NAALADL2: variants seen among roughly 807,000 people sequenced by gnomAD.
The protein encoded by NAALADL2 is inactive N-acetylated-alpha-linked acidic dipeptidase-like protein 2.
NAALADL2 carries 76 observed loss-of-function variants against 87.2 expected under a neutral mutation model. The observed-to-expected ratio is 0.87, with a 90% CI of 0.72 to 1.05. The LOEUF is 1.05. Ranked by LOEUF, NAALADL2 falls within the 50% of genes least tolerant of loss-of-function variation. The pLI, the probability that NAALADL2 is intolerant of heterozygous loss-of-function variation, is 0.00. For synonymous variants in NAALADL2, 354 were observed against 331.0 expected, an observed-to-expected ratio of 1.07 and a Z score of -0.75; for missense variants, 1,089 against 945.8, an observed-to-expected ratio of 1.15 and a Z score of -1.99.
At chr3:174,933,064 C>T (rs1397704716) in intron 1 of NAALADL2, among the ~76,000 whole-genome samples, 1 of 152,210 alleles carries the variant, frequency 6.6e-6, no homozygotes, top group African/African-American at 2.4e-5. Flanking sequence ...TTGCAGTGAA[C>T]CGAGATTGTG....
At chr3:175,791,761 T>C (rs1752805014) in intron 13 of NAALADL2, among the ~76,000 whole-genome samples, 2 of 151,806 alleles carry the variant, frequency 1.3e-5, no homozygotes, top group African/African-American at 4.8e-5. Context: ...GTATATAAAA[T>C]ATATATACAG....
chr3:174,859,531 CTG>C, intron 1 of NAALADL2, 81 bp downstream of exon 1: 1 of 1,152,710 alleles, frequency 8.7e-7, no homozygotes, highest in Non-Finnish European at 1.3e-6. Flanking sequence ...CTGTGTGTTT[CTG>C]TGTATGCACA....
At chr3:175,100,555 A>G (rs1330825873) in intron 2 of NAALADL2, among the ~76,000 whole-genome samples, 1 of 152,126 alleles carries the variant, frequency 6.6e-6, no homozygotes, top group African/African-American at 2.4e-5. Flanking sequence ...GTGCAAAAGA[A>G]GGCCAGGGGC....
chr3:175,299,419 A>G (rs1038358808), intron 4 of NAALADL2, among the ~76,000 whole-genome samples: 2 of 150,168 alleles, frequency 1.3e-5, no homozygotes, highest in South Asian at 2.1e-4. Flanking sequence ...CTTCTTATCC[A>G]TGAGCATGGA....
intron 1 of NAALADL2, among the ~76,000 whole-genome samples, chr3:174,466,569 A>G (rs1716547532): frequency 6.6e-6 from 1 of 152,218 alleles, no homozygotes; most frequent in Non-Finnish European, 1.5e-5. Context: ...GTTGTTTGAT[A>G]GTACTGTCTC....
intron 1 of NAALADL2, among the ~76,000 whole-genome samples, chr3:174,885,545 T>C (rs887519059): frequency 6.6e-6 from 1 of 152,178 alleles, no homozygotes. Context: ...TTATTTTGTG[T>C]AATTCTCTAA....
intron 3 of NAALADL2, among the ~76,000 whole-genome samples, chr3:174,761,468 C>G (rs1317713143): frequency 6.6e-6 from 1 of 152,042 alleles, no homozygotes; most frequent in African/African-American, 2.4e-5. Flanking sequence ...AAATGGATCA[C>G]TTACAAGGTT....
intron 1 of NAALADL2, among the ~76,000 whole-genome samples, chr3:174,938,199 C>T (rs2108453600): frequency 6.6e-6 from 1 of 152,178 alleles, no homozygotes; most frequent in Admixed American, 6.6e-5. Flanking sequence ...CAACTAGACC[C>T]CAGTGTCTGT....
intron 3 of NAALADL2, among the ~76,000 whole-genome samples, chr3:174,785,087 C>A (rs1716436372): frequency 6.6e-6 from 1 of 151,832 alleles, no homozygotes; most frequent in African/African-American, 2.4e-5. Flanking sequence ...GGGTATATTG[C>A]GTGATGCTGA....
At chr3:174,641,352 G>A (rs765935705) in intron 2 of NAALADL2, among the ~76,000 whole-genome samples, 2 of 152,192 alleles carry the variant, frequency 1.3e-5, no homozygotes, top group Non-Finnish European at 2.9e-5. Flanking sequence ...GCCATGTGGT[G>A]ACAAGTCCTA....
intron 2 of NAALADL2, among the ~76,000 whole-genome samples, chr3:174,647,441 C>T (rs1310127733): frequency 1.3e-5 from 2 of 152,140 alleles, no homozygotes; most frequent in East Asian, 1.9e-4. Flanking sequence ...TAGGGAGCAA[C>T]AGGATTTTGA....
At chr3:175,208,081 G>A (rs1741212199) in intron 2 of NAALADL2, among the ~76,000 whole-genome samples, 1 of 152,104 alleles carries the variant, frequency 6.6e-6, no homozygotes, top group Admixed American at 6.6e-5. Flanking sequence ...CATGCTCACT[G>A]TTTCTTTTGT....
chr3:175,644,720 C>G (rs941057792), intron 11 of NAALADL2, among the ~76,000 whole-genome samples: 7 of 152,148 alleles, frequency 4.6e-5, no homozygotes, highest in African/African-American at 1.7e-4. Flanking sequence ...TATTCTTGTC[C>G]TTCACATTTC....
intron 1 of NAALADL2, among the ~76,000 whole-genome samples, chr3:174,984,112 T>TA (rs112965373): frequency 7.2e-5 from 11 of 152,064 alleles, no homozygotes; most frequent in African/African-American, 2.7e-4. Context: ...TGAGATGTTT[T>TA]AAAAAAACAC....
At chr3:175,258,531 A>G (rs891301501) in intron 4 of NAALADL2, among the ~76,000 whole-genome samples, 1 of 152,146 alleles carries the variant, frequency 6.6e-6, no homozygotes, top group Admixed American at 6.5e-5. Flanking sequence ...GAACATTTCA[A>G]AGTTAGCTAC....
intron 2 of NAALADL2, among the ~76,000 whole-genome samples, chr3:174,662,819 G>A (rs1725627880): frequency 6.6e-6 from 1 of 152,070 alleles, no homozygotes; most frequent in Non-Finnish European, 1.5e-5. Context: ...ACTATAACTG[G>A]GCTATTCATA....
At position 175,647,009 on chromosome 3, in the gene NAALADL2, A is replaced by G. The variant is rs75245395; in HGVS notation, c.1896+19623A>G. Among the ~76,000 whole-genome samples, 85 of 152,252 alleles carry G rather than the reference A, an allele frequency of 5.6e-4. 3 individuals carry two copies. In the East Asian group the frequency reaches 0.016, roughly 28 times the overall value. On this transcript the variant is annotated intron_variant, in intron 11 of 13. Transcript: ENST00000454872. ...CCACTTCATGATGACTCAGAACTAT[A>G]TATCTATATGAACACACTCTTTACC...
At chr3:175,667,185 AAG>A (rs1733163407) in intron 11 of NAALADL2, among the ~76,000 whole-genome samples, 1 of 47,958 alleles carries the variant, frequency 2.1e-5, no homozygotes, top group Non-Finnish European at 3.9e-5. Flanking sequence ...AAGAAAGAGA[AAG>A]AAAGAAAGAA....
At chr3:175,670,518 T>C (rs909425913) in intron 11 of NAALADL2, among the ~76,000 whole-genome samples, 56 of 133,082 alleles carry the variant, frequency 4.2e-4, no homozygotes, top group African/African-American at 1.5e-3. Flanking sequence ...ATTAAATTTA[T>C]ATTAAATGTA....
Sources: allele counts gnomAD v4.1 joint callset (sites outside exome capture counted in the v4.1 genomes callset), GRCh38; gene constraint gnomAD v4.1.1; transcripts MANE v1.5; gene names NCBI Gene and HGNC (gene_info 2026-07-23, HGNC 2026-07-21).